The following MARCHF10 variants were observed in gnomAD, a reference collection of about 807,000 sequenced individuals.
The protein encoded by MARCHF10 is probable E3 ubiquitin-protein ligase MARCHF10.
MARCHF10 carries 64 observed loss-of-function variants against 76.2 expected under a neutral mutation model. The ratio of observed to expected loss-of-function variants is 0.84; its 90% CI spans 0.69 to 1.03. MARCHF10 has a LOEUF of 1.03. Ranked by LOEUF, MARCHF10 falls within the 50% of genes least tolerant of loss-of-function variation. The probability of loss-of-function intolerance (pLI) is 0.00; values close to 1 mark genes in which losing one functional copy is unlikely to be tolerated. For synonymous variants in MARCHF10, 340 were observed against 357.5 expected (o/e 0.95, Z 0.55); for missense variants, 875 against 958.0 (o/e 0.91, Z 1.14).
Position 62,725,075 on chromosome 17 carries a change from CCCT to C in MARCHF10, c.1964_1966del (p.Glu655del), listed in dbSNP as rs2090688651. 1 of 1,601,592 alleles carries C rather than the reference CCCT, an allele frequency of 6.2e-7. No homozygotes were observed. Among genetic ancestry groups the C allele is most frequent in the Non-Finnish European group, 8.5e-7 (1 of 1,175,720 alleles). ...TATCTGACAGATGCGACACAAGTCTCCCTCCTCCTCGGAGTCCTCCTCCAGGAG... is the reference window on the plus strand; with the variant it reads ...TATCTGACAGATGCGACACAAGTCTCCCTCCTCGGAGTCCTCCTCCAGGAG... On this transcript the variant is annotated inframe_deletion, in exon 7 of 11. Transcript: ENST00000311269.
At chr17:62,724,547 G>A (rs2090656517) in intron 7 of MARCHF10, among the ~76,000 whole-genome samples, 1 of 152,096 alleles carries the variant, frequency 6.6e-6, no homozygotes, top group South Asian at 2.1e-4. Flanking sequence ...TTTGCTGGGT[G>A]TCTGCTAGCT....
intron 5 of MARCHF10, among the ~76,000 whole-genome samples, chr17:62,742,878 C>T (rs567859197): frequency 5.9e-5 from 9 of 152,096 alleles, no homozygotes; most frequent in East Asian, 1.9e-4. Context: ...AAGTGATCTT[C>T]CACCTCCGCC....
intron 10 of MARCHF10, chr17:62,704,986 G>A: frequency 8.5e-6 from 8 of 940,594 alleles, no homozygotes; most frequent in Non-Finnish European, 1.0e-5. Context: ...CAGGGAGAAG[G>A]CTTTTCTCGA....
intron 2 of MARCHF10, among the ~76,000 whole-genome samples, chr17:62,789,920 CAA>C (rs2092814017): frequency 6.6e-6 from 1 of 151,936 alleles, no homozygotes; most frequent in African/African-American, 2.4e-5. Context: ...GGTGACAGAG[CAA>C]GAGTCTGTCT....
At chr17:62,718,376 T>C (rs1160939044) in intron 8 of MARCHF10, among the ~76,000 whole-genome samples, 1 of 152,244 alleles carries the variant, frequency 6.6e-6, no homozygotes, top group Non-Finnish European at 1.5e-5. Context: ...GGGTCAGTTC[T>C]ATAAATGCCA....
Position 62,736,267 on chromosome 17 carries a change from T to C in MARCHF10, c.1601A>G (p.Asn534Ser), listed in dbSNP as rs758871488. 1 of 1,614,150 alleles carries C rather than the reference T, an allele frequency of 6.2e-7. No individual in the cohort carries two copies. Among genetic ancestry groups the C allele is most frequent in the South Asian group, 1.1e-5 (1 of 91,078 alleles). The stretch of plus-strand genomic sequence containing the variant: ...CCTGACAGCAAATTCGTGTGCACTG[T>C]TTACTGGGAAATAATTATGGTTTTC... Reference protein sequence around the residue: ...SAENHNYFPVNSAHEFAVREA... With the variant: ...SAENHNYFPVSSAHEFAVREA... The change falls in exon 6 of 11, where the codon AAC becomes AGC. Residue 534 changes from asparagine to serine, a missense_variant. Transcript: ENST00000311269.
At position 62,792,624 on chromosome 17, in the gene MARCHF10, C is replaced by T. The variant is rs563656894; in HGVS notation, c.91-4025G>A. 2.7e-5 allele frequency among the ~76,000 whole-genome samples: 4 copies of T among 148,130 alleles called. No individual in the cohort carries two copies. The East Asian group carries it at 6.1e-4, about 22-fold the overall frequency. On this transcript the variant is annotated intron_variant, in intron 2 of 10. Coordinates refer to ENST00000311269, the MANE Select transcript of MARCHF10 (RefSeq NM_152598.4). ...CCACCTCCATCAACCACCAACGCCT[C>T]CATCACCACCACCACAACCATCACC...
chr17:62,755,540 T>C (rs1270946705), intron 4 of MARCHF10, among the ~76,000 whole-genome samples: 2 of 152,168 alleles, frequency 1.3e-5, no homozygotes, highest in Non-Finnish European at 1.5e-5. Flanking sequence ...AGGGTATATA[T>C]ACAATTCTGA....
chr17:62,720,053 C>A (rs939973646), intron 8 of MARCHF10, among the ~76,000 whole-genome samples: 1 of 152,178 alleles, frequency 6.6e-6, no homozygotes, highest in Non-Finnish European at 1.5e-5. Context: ...CCTCTGTGTA[C>A]ACTGCCCATC....
chr17:62,736,438 A>G lies in MARCHF10; in HGVS notation c.1430T>C (p.Met477Thr), dbSNP rs144292228. 562 of 1,614,220 alleles carry G rather than the reference A, an allele frequency of 3.5e-4. 3 individuals carry two copies. In the Middle Eastern group the frequency reaches 7.1e-3, roughly 20 times the overall value. Residue 477 changes from methionine to threonine, a missense_variant, in exon 6 of 11, where the codon ATG (methionine) becomes ACG (threonine). Coordinates refer to ENST00000311269, the MANE Select transcript of MARCHF10 (RefSeq NM_152598.4). ...AATATCATCTCTCAGAGCAGAATGCATGAATGATGCAGGAGGGTTATAGGA... is the reference window on the plus strand; with the variant it reads ...AATATCATCTCTCAGAGCAGAATGCGTGAATGATGCAGGAGGGTTATAGGA... The part of the protein sequence containing the change: ...NSSYNPPASF[M>T]HSALRDDIPV...
At chr17:62,703,944 T>C (rs1023500126) in intron 10 of MARCHF10, among the ~76,000 whole-genome samples, 12 of 152,106 alleles carry the variant, frequency 7.9e-5, no homozygotes, top group African/African-American at 2.9e-4. Flanking sequence ...CCCTGGGCAC[T>C]AGGGGTCGCC....
chr17:62,713,063 G>T (rs1240887673), intron 8 of MARCHF10, among the ~76,000 whole-genome samples: 3 of 152,020 alleles, frequency 2.0e-5, no homozygotes, highest in Admixed American at 2.0e-4. Context: ...TGTTTTAATT[G>T]CCTCCTCCTG....
chr17:62,736,810 G>C lies in MARCHF10; in HGVS notation c.1058C>G (p.Ser353Ter). Residue 353 changes from serine to a stop codon, truncating the protein, a stop_gained, in exon 6 of 11, where the codon TCA becomes TGA. Transcript: ENST00000311269. LOFTEE classifies it high-confidence loss of function. ...SSRRSEPSHG[S>*]LRISNAMEPA... ...CTCCATTGCATTGCTTATTCTCAAT[G>C]AGCCATGACTGGGCTCACTTCTTCT... The C allele has an allele frequency of 6.2e-7, 1 of 1,614,106 alleles. No individual in the cohort carries two copies. The highest frequency in any genetic ancestry group is 8.5e-7 in the Non-Finnish European group (1 of 1,180,008).
intron 4 of MARCHF10, 67 bp downstream of exon 4, chr17:62,759,768 G>C: frequency 6.5e-7 from 1 of 1,530,916 alleles, no homozygotes; most frequent in Non-Finnish European, 8.9e-7. Flanking sequence ...ACCGTGCTCG[G>C]CCTGTTGTTG....
At chr17:62,717,800 G>A (rs2090290817) in intron 8 of MARCHF10, among the ~76,000 whole-genome samples, 3 of 152,194 alleles carry the variant, frequency 2.0e-5, no homozygotes, top group South Asian at 2.1e-4. Flanking sequence ...TCCCTTCTGC[G>A]TTCTTCACTT....
chr17:62,758,353 G>GAAAC (rs1295044305), intron 4 of MARCHF10, among the ~76,000 whole-genome samples: 1 of 151,992 alleles, frequency 6.6e-6, no homozygotes. Flanking sequence ...TGTCTCAACA[G>GAAAC]AAACAAACAA....
intron 4 of MARCHF10, 149 bp from the exon 5 acceptor site, chr17:62,744,677 C>A: frequency 5.1e-6 from 4 of 780,948 alleles, no homozygotes; most frequent in Non-Finnish European, 7.9e-6. Context: ...CACAGAAGAG[C>A]TGGATTTGAA....
At chr17:62,733,493 C>T (rs2091124008) in intron 6 of MARCHF10, among the ~76,000 whole-genome samples, 1 of 152,166 alleles carries the variant, frequency 6.6e-6, no homozygotes, top group Non-Finnish European at 1.5e-5. Context: ...TAACATTAGA[C>T]ATGACTGGTT....
intron 5 of MARCHF10, among the ~76,000 whole-genome samples, chr17:62,744,118 T>C (rs1433240577): frequency 1.3e-5 from 2 of 151,934 alleles, no homozygotes; most frequent in Non-Finnish European, 2.9e-5. Flanking sequence ...CCAGTTACAC[T>C]CATGGAGTTA....
Sources: gnomAD v4.1 joint callset for allele counts (sites outside exome capture counted in the v4.1 genomes callset) on GRCh38, gnomAD v4.1.1 for gene constraint, MANE v1.5 for transcripts, NCBI Gene and HGNC (gene_info 2026-07-23, HGNC 2026-07-21) for gene names.